The following TOMM20 variants were observed in gnomAD, a reference collection of about 807,000 sequenced individuals.
TOMM20 encodes translocase of outer mitochondrial membrane 20.
In TOMM20, 10 loss-of-function variants were observed where a neutral mutation model predicts 22.1. The observed-to-expected ratio is 0.45, with a 90% CI of 0.28 to 0.77. The LOEUF (loss-of-function observed/expected upper bound fraction) is 0.77. Ranked by LOEUF, TOMM20 falls within the 30% of genes least tolerant of loss-of-function variation. The probability of loss-of-function intolerance (pLI) is 0.13; values close to 1 mark genes in which losing one functional copy is unlikely to be tolerated. For missense variants in TOMM20, 121 were observed against 172.2 expected, an observed-to-expected ratio of 0.70 and a Z score of 1.66; for synonymous variants, 55 against 61.4, an observed-to-expected ratio of 0.90 and a Z score of 0.49.
At chr1:235,120,838 C>A (rs1212893217) in intron 2 of TOMM20, among the ~76,000 whole-genome samples, 2 of 139,010 alleles carry the variant, frequency 1.4e-5, no homozygotes, top group African/African-American at 5.4e-5. Context: ...CTACTGCACC[C>A]CAGCCTGGGT....
Position 235,109,967 on chromosome 1 carries a change from T to C in TOMM20, c.*2097A>G, listed in dbSNP as rs746394263. 6.6e-5 allele frequency: 10 copies of C among 152,326 alleles called. No homozygotes were observed. The highest frequency in any genetic ancestry group is 1.0e-4 in the Non-Finnish European group (7 of 68,034). 9.4% of individuals were successfully genotyped at this position (152,326 alleles called of 1,614,324 possible). ...TAAAACTTAAGATGGGGATGAATAG[T>C]GTTTGGCAATTACATTTCTGGGAGA... On this transcript the variant is annotated 3_prime_UTR_variant, in exon 5 of 5. Transcript: ENST00000366607.
Position 235,118,177 on chromosome 1 carries a change from C to T in TOMM20, c.250+1641G>A, listed in dbSNP as rs141832183. On this transcript the variant is annotated intron_variant, in intron 3 of 4. Transcript: ENST00000366607. ...CTGACACAACCTCAGTTGCAGTGAT[C>T]TTGTCATTTTGAGCTCCCTTCTTGT... Among the ~76,000 whole-genome samples the T allele has an allele frequency of 4.6e-4, 70 of 152,332 alleles. No individual in the cohort carries two copies. In the East Asian group the frequency reaches 0.011, roughly 24 times the overall value.
At chr1:235,122,460 C>T in intron 1 of TOMM20, 88 bp from the exon 2 acceptor site, 1 of 1,241,654 alleles carries the variant, frequency 8.1e-7, no homozygotes, top group Non-Finnish European at 1.1e-6. Flanking sequence ...GTCATTAATT[C>T]CATTTGCAAA....
At chr1:235,122,403 T>C (rs771947148) in intron 1 of TOMM20, 31 bp from the exon 2 acceptor site, 1 of 1,566,768 alleles carries the variant, frequency 6.4e-7, no homozygotes, top group Non-Finnish European at 8.6e-7. Context: ...TATTTACATT[T>C]TGTCATTATA....
At chr1:235,122,836 T>C (rs1356648326) in intron 1 of TOMM20, among the ~76,000 whole-genome samples, 1 of 152,166 alleles carries the variant, frequency 6.6e-6, no homozygotes, top group Non-Finnish European at 1.5e-5. Flanking sequence ...CATATGATGG[T>C]TACATGAAAA....
intron 1 of TOMM20, chr1:235,127,774 C>A: frequency 2.1e-6 from 1 of 474,506 alleles, no homozygotes; most frequent in South Asian, 1.5e-5. Context: ...TTTCATGACA[C>A]GATTCCCCTC....
rs186398759 is a variant in TOMM20, at chr1:235,123,856, T to C, written c.122-1484A>G. 2.0e-5 allele frequency among the ~76,000 whole-genome samples: 3 copies of C among 152,244 alleles called. No homozygotes were observed. The East Asian group carries it at 5.8e-4, about 29-fold the overall frequency. ...TAATGAGTGATAACAGACAACAATA[T>C]CTAATTGCTAAATATCGTGGTCTAC... On this transcript the variant is annotated intron_variant, in intron 1 of 4. Transcript: ENST00000366607.
chr1:235,116,958 A>C (rs1478753612), intron 3 of TOMM20, among the ~76,000 whole-genome samples: 1 of 149,530 alleles, frequency 6.7e-6, no homozygotes, highest in Non-Finnish European at 1.5e-5. Context: ...ACATGGTGAA[A>C]CCCCGTCTCT....
intron 3 of TOMM20, among the ~76,000 whole-genome samples, chr1:235,117,036 GA>G (rs1234228137): frequency 6.7e-6 from 1 of 149,032 alleles, no homozygotes; most frequent in Non-Finnish European, 1.5e-5. Flanking sequence ...TCGGGAGGCT[GA>G]GGCAGGAGGA....
chr1:235,122,601 A>G (rs1261053743), intron 1 of TOMM20: 1 of 392,418 alleles, frequency 2.5e-6, no homozygotes, highest in Non-Finnish European at 4.5e-6. Flanking sequence ...CAGAAGATCT[A>G]GCAATTTGCA....
intron 3 of TOMM20, among the ~76,000 whole-genome samples, chr1:235,118,795 G>C (rs1660878281): frequency 1.3e-5 from 2 of 152,164 alleles, no homozygotes. Flanking sequence ...AAAGTGCTGG[G>C]AATACAGGCA....
intron 4 of TOMM20, among the ~76,000 whole-genome samples, chr1:235,113,108 G>T (rs923418693): frequency 3.3e-5 from 5 of 152,170 alleles, no homozygotes; most frequent in East Asian, 1.9e-4. Flanking sequence ...ATCAACACTT[G>T]TAACAGACAC....
chr1:235,112,013 G>T lies in TOMM20; in HGVS notation c.*51C>A, dbSNP rs1660746080. ...TCCCCCAGAGCTGCTCAACTACCAAGAATTTTTAAAATATTTTTAACTGAG... is the reference window on the plus strand; with the variant it reads ...TCCCCCAGAGCTGCTCAACTACCAATAATTTTTAAAATATTTTTAACTGAG... On this transcript the variant is annotated 3_prime_UTR_variant, in exon 5 of 5. Transcript: ENST00000366607. 1 of 1,552,472 alleles carries T rather than the reference G, an allele frequency of 6.4e-7. No homozygotes were observed.
At chr1:235,115,197 ACT>A (rs1660810109) in intron 3 of TOMM20, among the ~76,000 whole-genome samples, 1 of 151,968 alleles carries the variant, frequency 6.6e-6, no homozygotes, top group Non-Finnish European at 1.5e-5. Context: ...TTTAAATCAA[ACT>A]CCAAAAACTG....
chr1:235,121,207 A>T (rs1259439232), intron 2 of TOMM20, among the ~76,000 whole-genome samples: 4 of 151,998 alleles, frequency 2.6e-5, no homozygotes, highest in Non-Finnish European at 5.9e-5. Flanking sequence ...CAAAAAAAAA[A>T]AAAAGAGAAA....
chr1:235,127,352 T>C (rs1661041590), intron 1 of TOMM20, among the ~76,000 whole-genome samples: 1 of 152,258 alleles, frequency 6.6e-6, no homozygotes, highest in Admixed American at 6.5e-5. Flanking sequence ...GCCGCTAACC[T>C]GGCCCTAGAA....
In TOMM20 at chr1:235,128,448, C is replaced by T. The variant is rs1661071392; in HGVS notation, c.121+147G>A. On this transcript the variant is annotated intron_variant, in intron 1 of 4. Transcript: ENST00000366607. ...CTACGGGGCACTAGAGCCCCCGGAGCGGCGCAGCCAGCGCCATCGCCTATT... is the reference window on the plus strand; with the variant it reads ...CTACGGGGCACTAGAGCCCCCGGAGTGGCGCAGCCAGCGCCATCGCCTATT... The T allele has an allele frequency of 4.0e-6, 5 of 1,264,466 alleles. No individual in the cohort carries two copies. The South Asian group carries it at 5.7e-5, about 14-fold the overall frequency. 78.3% of individuals were successfully genotyped at this position (1,264,466 alleles called of 1,614,324 possible). A position where few individuals can be genotyped will look rare whatever the true frequency, so the allele number is the denominator to read the frequency against.
chr1:235,120,742 A>C (rs941605699), intron 2 of TOMM20, among the ~76,000 whole-genome samples: 2 of 151,674 alleles, frequency 1.3e-5, no homozygotes, highest in Non-Finnish European at 2.9e-5. Flanking sequence ...ATGGTGGTGC[A>C]TGCCTATAGT....
intron 1 of TOMM20, among the ~76,000 whole-genome samples, chr1:235,123,815 C>T (rs1660969987): frequency 6.6e-6 from 1 of 152,174 alleles, no homozygotes; most frequent in Non-Finnish European, 1.5e-5. Flanking sequence ...GGTTTTTGTT[C>T]TCTTAAGGCA....
Sources: allele counts gnomAD v4.1 joint callset (sites outside exome capture counted in the v4.1 genomes callset), GRCh38; gene constraint gnomAD v4.1.1; transcripts MANE v1.5; gene names NCBI Gene and HGNC (gene_info 2026-07-23, HGNC 2026-07-21).